Variants in PER3 observed in about 807,000 individuals in gnomAD.
PER3 encodes period circadian protein homolog 3.
Under a neutral mutation model 127.2 loss-of-function variants are expected in PER3, and 107 were observed. The observed-to-expected ratio is 0.84, with a 90% CI of 0.72 to 0.99. The LOEUF (loss-of-function observed/expected upper bound fraction) is 0.99, where lower values mean the gene tolerates loss of function less well. PER3 is among the 50% of genes least tolerant of loss of function. The pLI is 0.00. For synonymous variants in PER3, 618 were observed against 585.8 expected (o/e 1.05, Z -0.79); for missense variants, 1,560 against 1,525.8 (o/e 1.02, Z -0.37).
chr1:7,838,793 TGTA>T (rs1314523494), intron 21 of PER3, among the ~76,000 whole-genome samples: 1 of 152,226 alleles, frequency 6.6e-6, no homozygotes, highest in Admixed American at 6.5e-5. Flanking sequence ...ACTATCTGCA[TGTA>T]GTAACTTTTT....
chr1:7,829,719 C>A (rs999676069), intron 18 of PER3, 115 bp from the exon 19 acceptor site: 2 of 815,288 alleles, frequency 2.5e-6, no homozygotes, highest in African/African-American at 1.7e-5. Context: ...ATTTTTGGAC[C>A]TTGGTTGACC....
intron 13 of PER3, among the ~76,000 whole-genome samples, chr1:7,815,641 C>T (rs943381759): frequency 2.0e-5 from 3 of 152,066 alleles, no homozygotes; most frequent in Non-Finnish European, 4.4e-5. Flanking sequence ...AATTAAATAA[C>T]TTCATACTTA....
intron 5 of PER3, among the ~76,000 whole-genome samples, chr1:7,791,733 A>G (rs962783738): frequency 6.6e-6 from 1 of 152,146 alleles, no homozygotes; most frequent in Non-Finnish European, 1.5e-5. Context: ...CTTCCGTCAG[A>G]TACCTAAATC....
intron 19 of PER3, among the ~76,000 whole-genome samples, chr1:7,833,964 C>T (rs956010223): frequency 4.4e-4 from 67 of 151,864 alleles, no homozygotes; most frequent in Admixed American, 3.9e-3. Context: ...ACTCTGTCAC[C>T]CAGGCTGGAG....
rs2097355827 is a variant in PER3 at position 7,835,883 on chromosome 1, C to T, written c.3336C>T (p.Pro1112=). ...CATTTCCTAATGTCGCCGAAGAGCC[C>T]ATCTGGAGAATGATACGGCAGACAC... is the stretch of plus-strand genomic sequence containing the variant. ...KETFPNVAEE[P]IWRMIRQTPE... The change falls in exon 20 of 22, where the codon CCC becomes CCT. Residue 1112 remains proline (P), a synonymous_variant. Coordinates refer to ENST00000377532, the MANE Select transcript of PER3 (RefSeq NM_001377275.1). 6.2e-7 allele frequency: 1 copy of T among 1,611,296 alleles called. No individual in the cohort carries two copies. The highest frequency in any genetic ancestry group is 8.5e-7 in the Non-Finnish European group (1 of 1,177,502).
chr1:7,838,704 C>A (rs1295759651), intron 21 of PER3, among the ~76,000 whole-genome samples: 4 of 152,206 alleles, frequency 2.6e-5, no homozygotes, highest in Non-Finnish European at 5.9e-5. Flanking sequence ...TTTGACTACT[C>A]TGCACACCTC....
chr1:7,838,454 G>A (rs747828390), intron 21 of PER3, among the ~76,000 whole-genome samples: 20 of 151,722 alleles, frequency 1.3e-4, no homozygotes, highest in African/African-American at 3.6e-4. Context: ...TCTTGCCCAC[G>A]CTGGAGTGCA....
At chr1:7,795,099 G>T (rs1013389850) in intron 6 of PER3, among the ~76,000 whole-genome samples, 1 of 152,036 alleles carries the variant, frequency 6.6e-6, no homozygotes, top group Non-Finnish European at 1.5e-5. Context: ...CTGGATGCTT[G>T]GGGGGGACGG....
intron 14 of PER3, among the ~76,000 whole-genome samples, chr1:7,819,812 C>T (rs560783514): frequency 2.7e-4 from 38 of 141,110 alleles, no homozygotes; most frequent in Non-Finnish European, 3.8e-4. Flanking sequence ...TTTTTTAGTT[C>T]GTCAGTTATG....
At chr1:7,803,396 C>G in intron 9 of PER3, among the ~76,000 whole-genome samples, 1 of 135,006 alleles carries the variant, frequency 7.4e-6, no homozygotes, top group East Asian at 2.0e-4. Flanking sequence ...GGAGACCAGC[C>G]TGGCCAACAT....
At chr1:7,834,158 G>A (rs890812351) in intron 19 of PER3, among the ~76,000 whole-genome samples, 5 of 152,262 alleles carry the variant, frequency 3.3e-5, no homozygotes, top group African/African-American at 4.8e-5. Context: ...GACCTCAGGC[G>A]ATCCGCCCGC....
chr1:7,801,549 T>C (rs1229190648), intron 8 of PER3, among the ~76,000 whole-genome samples: 1 of 152,228 alleles, frequency 6.6e-6, no homozygotes, highest in Non-Finnish European at 1.5e-5. Flanking sequence ...GCACTTATTC[T>C]GGTGTTATTT....
intron 6 of PER3, among the ~76,000 whole-genome samples, chr1:7,795,163 A>G (rs2097139874): frequency 6.6e-6 from 1 of 152,272 alleles, no homozygotes; most frequent in Non-Finnish European, 1.5e-5. Flanking sequence ...TGGGTCATTC[A>G]CAAGTGAGTT....
At chr1:7,786,241 C>G (rs572959062) in intron 3 of PER3, among the ~76,000 whole-genome samples, 3 of 152,048 alleles carry the variant, frequency 2.0e-5, no homozygotes, top group African/African-American at 7.2e-5. Flanking sequence ...GGTGACAGAG[C>G]GAGACTCTGT....
intron 6 of PER3, among the ~76,000 whole-genome samples, chr1:7,794,265 C>T (rs893930198): frequency 3.9e-5 from 6 of 152,042 alleles, no homozygotes; most frequent in African/African-American, 9.7e-5. Context: ...GAGGCGGAGG[C>T]GGGCGGATCA....
chr1:7,841,239 G>A lies in PER3; in HGVS notation c.3550-1433G>A, dbSNP rs565052963. On this transcript the variant is annotated intron_variant, in intron 21 of 21. Transcript: ENST00000377532. ...CATGTGGCCCATGGGCAGGAAGGGG[G>A]TCGCACAAGCTGGGGCTGTACTTTG... Among the ~76,000 whole-genome samples the A allele has an allele frequency of 2.0e-5, 3 of 152,094 alleles. No homozygotes were observed. In the South Asian group the frequency reaches 6.2e-4, roughly 32 times the overall value.
At chr1:7,803,932 A>G (rs1189805413) in intron 10 of PER3, 84 bp downstream of exon 10, 17 of 1,075,196 alleles carry the variant, frequency 1.6e-5, no homozygotes, top group South Asian at 2.9e-5. Flanking sequence ...CTCTGACTCA[A>G]TTGACACATA....
rs189557525 is a variant in PER3 at position 7,822,496 on chromosome 1, G to T, written c.1957+1856G>T. On this transcript the variant is annotated intron_variant, in intron 16 of 21. Coordinates refer to ENST00000377532, the MANE Select transcript of PER3 (RefSeq NM_001377275.1). ...TCGAACTCCGGACCTCAGGTGATCC[G>T]CCCACCTTGGCCTCCCAAAGTGCTG... 8.1e-3 allele frequency among the ~76,000 whole-genome samples: 1,238 copies of T among 152,010 alleles called. 17 individuals are homozygous for T. The highest frequency in any genetic ancestry group is 0.028 in the African/African-American group (1,173 of 41,458).
At chr1:7,804,954 C>T (rs1322231666) in intron 10 of PER3, among the ~76,000 whole-genome samples, 3 of 151,766 alleles carry the variant, frequency 2.0e-5, no homozygotes, top group Non-Finnish European at 4.4e-5. Context: ...CTGCAACTTC[C>T]GCCTCCTGGG....
Sources: gnomAD v4.1 joint callset for allele counts (sites outside exome capture counted in the v4.1 genomes callset) on GRCh38, gnomAD v4.1.1 for gene constraint, MANE v1.5 for transcripts, NCBI Gene and HGNC (gene_info 2026-07-23, HGNC 2026-07-21) for gene names.